The following SLC4A7 variants were observed in gnomAD, a reference collection of about 807,000 sequenced individuals.
The protein encoded by SLC4A7 is sodium bicarbonate cotransporter 3.
A neutral mutation model predicts 137.6 loss-of-function variants in SLC4A7; 51 were observed. The ratio of observed to expected loss-of-function variants is 0.37; its 90% CI spans 0.30 to 0.47. SLC4A7 has a LOEUF of 0.47. SLC4A7 is among the 20% of genes least tolerant of loss of function. SLC4A7 has a pLI of 1.00. For synonymous variants in SLC4A7, 542 were observed against 518.6 expected (o/e 1.05, Z -0.61); for missense variants, 1,247 against 1,525.4 (o/e 0.82, Z 3.04).
chr3:27,480,648 CACATCAATACCTA>C (rs1372075098), intron 1 of SLC4A7, among the ~76,000 whole-genome samples: 1 of 152,056 alleles, frequency 6.6e-6, no homozygotes, highest in Non-Finnish European at 1.5e-5. Context: ...CCTAGGGTGC[CACATCAATACCTA>C]GTATCAATAC....
chr3:27,419,867 G>C (rs1484771045), intron 10 of SLC4A7, among the ~76,000 whole-genome samples: 2 of 151,984 alleles, frequency 1.3e-5, no homozygotes, highest in African/African-American at 2.4e-5. Context: ...GAGGTAAAAA[G>C]AATCTGGTGA....
chr3:27,444,436 T>C (rs2057439588), intron 3 of SLC4A7, among the ~76,000 whole-genome samples: 1 of 152,220 alleles, frequency 6.6e-6, no homozygotes, highest in African/African-American at 2.4e-5. Flanking sequence ...ATTCCGCTCA[T>C]ACATATTAGA....
At chr3:27,394,333 AATAT>A (rs527309818) in intron 20 of SLC4A7, among the ~76,000 whole-genome samples, 181 bp downstream of exon 20, 112 of 150,814 alleles carry the variant, frequency 7.4e-4, no homozygotes, top group African/African-American at 2.7e-3. Context: ...TTATTTTAAA[AATAT>A]ATACAGCTTA....
chr3:27,402,906 A>T (rs1363724239), intron 15 of SLC4A7, among the ~76,000 whole-genome samples: 1 of 152,068 alleles, frequency 6.6e-6, no homozygotes, highest in African/African-American at 2.4e-5. Flanking sequence ...CAAAACATAC[A>T]CATGTGAATA....
At chr3:27,466,512 T>A (rs777768101) in intron 1 of SLC4A7, among the ~76,000 whole-genome samples, 2 of 151,518 alleles carry the variant, frequency 1.3e-5, no homozygotes, top group Non-Finnish European at 2.9e-5. Flanking sequence ...TATGAGAAGA[T>A]ACGTTTTAAA....
At chr3:27,391,635 C>T in intron 21 of SLC4A7, 105 bp downstream of exon 21, 1 of 694,946 alleles carries the variant, frequency 1.4e-6, no homozygotes, top group Non-Finnish European at 2.5e-6. Flanking sequence ...AACCTCCCCT[C>T]AAAATGTCAG....
At chr3:27,379,649 C>A (rs1342398271) in intron 24 of SLC4A7, among the ~76,000 whole-genome samples, 1 of 152,080 alleles carries the variant, frequency 6.6e-6, no homozygotes, top group African/African-American at 2.4e-5. Flanking sequence ...GCCCTCTGAT[C>A]ACCTTGGCTG....
intron 13 of SLC4A7, among the ~76,000 whole-genome samples, chr3:27,407,792 T>G (rs1415605002): frequency 6.6e-6 from 1 of 151,996 alleles, no homozygotes; most frequent in African/African-American, 2.4e-5. Flanking sequence ...TCTGGGTAAT[T>G]TCACACTTTT....
At position 27,422,596 on chromosome 3, in the gene SLC4A7, A is replaced by AT. The variant is rs141310453; in HGVS notation, c.1267-818dup. ...TTGTTTTTATTTAAAACAAAAATCT[A>AT]TAGCCCTTATTGGCACAGATATATG... On this transcript the variant is annotated intron_variant, in intron 8 of 25. Transcript: ENST00000454389. Among the ~76,000 whole-genome samples, 5 of 152,312 alleles carry AT rather than the reference A, an allele frequency of 3.3e-5. No homozygotes were observed. The East Asian group carries it at 9.7e-4, about 29-fold the overall frequency.
At chr3:27,382,553 A>G (rs1366946586) in intron 24 of SLC4A7, among the ~76,000 whole-genome samples, 1 of 152,224 alleles carries the variant, frequency 6.6e-6, no homozygotes, top group Non-Finnish European at 1.5e-5. Context: ...TAGTTCTTAA[A>G]TTTAAATATA....
intron 3 of SLC4A7, among the ~76,000 whole-genome samples, chr3:27,441,710 A>ACTC (rs2057209021): frequency 6.6e-6 from 1 of 151,372 alleles, no homozygotes; most frequent in Admixed American, 6.6e-5. Context: ...CTGGTCTTGA[A>ACTC]CTCCTGGCTT....
rs1559628419 is a variant in SLC4A7 at position 27,386,094 on chromosome 3, T to C, written c.3361-71A>G. The C allele has an allele frequency of 4.1e-6, 5 of 1,223,012 alleles. No individual in the cohort carries two copies. In the East Asian group the frequency reaches 1.4e-4, roughly 33 times the overall value. 75.8% of individuals were successfully genotyped at this position (1,223,012 alleles called of 1,614,324 possible). A position where few individuals can be genotyped will look rare whatever the true frequency, so the allele number is the denominator to read the frequency against. ...CTGTATCACTTAAAGAGGAAAAGCA[T>C]ATTTATTAAATCTTATAAAAAATGC... On this transcript the variant is annotated intron_variant, in intron 22 of 25. Coordinates refer to ENST00000454389, the MANE Select transcript of SLC4A7 (RefSeq NM_001321103.2).
At chr3:27,390,738 T>A (rs1179382091) in intron 21 of SLC4A7, among the ~76,000 whole-genome samples, 1 of 152,114 alleles carries the variant, frequency 6.6e-6, no homozygotes, top group Non-Finnish European at 1.5e-5. Context: ...AGCCTATGAG[T>A]TGGAAACTTT....
rs35093803 is a variant in SLC4A7, at chr3:27,470,641, TA to T, written c.60+13425del. Among the ~76,000 whole-genome samples the T allele has an allele frequency of 5.0e-3, 574 of 115,710 alleles. 4 individuals carry two copies. The highest frequency in any genetic ancestry group is 0.015 in the African/African-American group (487 of 32,778). The allele number at this position is 115,710 out of a possible 152,430, so 75.9% of individuals were successfully genotyped here. A position where few individuals can be genotyped will look rare whatever the true frequency, so the allele number is the denominator to read the frequency against. ...CTCATGGGCAGAGTAGCTCCAACTT[TA>T]AAAAAAAAAAAAAAAAACAGCCAGG... On this transcript the variant is annotated intron_variant, in intron 1 of 25. Coordinates refer to ENST00000454389, the MANE Select transcript of SLC4A7 (RefSeq NM_001321103.2).
chr3:27,441,623 G>A (rs1352884841), intron 3 of SLC4A7, among the ~76,000 whole-genome samples: 1 of 151,964 alleles, frequency 6.6e-6, no homozygotes, highest in African/African-American at 2.4e-5. Flanking sequence ...CTCCCCAGCA[G>A]TTGGGGAGAT....
chr3:27,473,275 G>A (rs9819346), intron 1 of SLC4A7, among the ~76,000 whole-genome samples: 3,651 of 151,966 alleles, frequency 0.024, 168 homozygotes, highest in African/African-American at 0.085. Flanking sequence ...TAGCCACCAC[G>A]TTCTCGCCTG....
chr3:27,404,831 T>C lies in SLC4A7; in HGVS notation c.2074A>G (p.Arg692Gly), dbSNP rs746443567. ...VFEKILYKFC[R>G]DYQLSYLSLR... is the part of the protein sequence containing the mutation. ...TAAGTAGAGAGGGCTATTACTTACC[T>C]GCAGAATTTATATAAAATTTTTTCA... is the stretch of plus-strand genomic sequence containing the variant. Residue 692 changes from arginine to glycine, a missense_variant and splice_region_variant, in exon 14 of 26, where the codon AGA becomes GGA. By Grantham distance (125) the Arg-to-Gly change is moderately radical. Coordinates refer to ENST00000454389, the MANE Select transcript of SLC4A7 (RefSeq NM_001321103.2). 32 of 1,599,402 alleles carry C rather than the reference T, an allele frequency of 2.0e-5. No homozygotes were observed. The highest frequency in any genetic ancestry group is 2.7e-5 in the Non-Finnish European group (32 of 1,173,220).
At chr3:27,440,445 C>T (rs771143942) in intron 3 of SLC4A7, among the ~76,000 whole-genome samples, 24 of 152,106 alleles carry the variant, frequency 1.6e-4, no homozygotes, top group Non-Finnish European at 3.1e-4. Context: ...ATTCTTAACC[C>T]AGCCAGGTGT....
rs776729802 is a variant in SLC4A7 at position 27,424,103 on chromosome 3, T to G, written c.1200A>C (p.Lys400Asn). 6.2e-7 allele frequency: 1 copy of G among 1,612,190 alleles called. No homozygotes were observed. The highest frequency in any genetic ancestry group is 1.1e-5 in the South Asian group (1 of 90,858). The change falls in exon 8 of 26, where the codon AAA (lysine) becomes AAC (asparagine). Residue 400 changes from lysine to asparagine, a missense_variant. By Grantham distance (94) the Lys-to-Asn change is moderately conservative. Around this residue, in one of 6 missense-constraint regions of SLC4A7, gnomAD observed 499 missense variants for 664.2 expected, o/e 0.75. Transcript: ENST00000454389. ...TTCCATTACCTTTAATTTCTCCACTTTTACTATTGTCCAAGTTTCCAGGAG... is the reference window on the plus strand; with the variant it reads ...TTCCATTACCTTTAATTTCTCCACTGTTACTATTGTCCAAGTTTCCAGGAG... ...QSAPGNLDNS[K>N]SGEIKGNGSG... is the part of the protein sequence containing the mutation.
Sources: gnomAD v4.1 joint callset for allele counts (sites outside exome capture counted in the v4.1 genomes callset) on GRCh38, gnomAD v4.1.1 for gene constraint, gnomAD v4.1.1 regional missense constraint, MANE v1.5 for transcripts, NCBI Gene and HGNC (gene_info 2026-07-23, HGNC 2026-07-21) for gene names.